ITGB2: variants seen among roughly 807,000 people sequenced by gnomAD.
ITGB2 encodes integrin subunit beta 2, also known as integrin beta-2.
A neutral mutation model predicts 86.8 loss-of-function variants in ITGB2; 56 were observed. The ratio of observed to expected loss-of-function variants is 0.65; its 90% CI spans 0.52 to 0.81. The LOEUF is 0.81. Among genes scored for constraint, ITGB2 ranks in the 30% least tolerant of loss-of-function variants. ITGB2 has a pLI of 0.00. For synonymous variants in ITGB2, 457 were observed against 450.4 expected (o/e 1.01, Z -0.19); for missense variants, 948 against 1,061.2 (o/e 0.89, Z 1.48).
Position 44,890,000 on chromosome 21 carries a change from G to C in ITGB2, c.1635C>G (p.Asn545Lys), listed in dbSNP as rs61747606. ...CACCCGGGCCGCCGCAGACCTGGCC[G>C]TTGTAGCGCTCACAGTTGATGGTGT... ...ECDTINCERY[N>K]GQVCGGPGRG... Residue 545 changes from asparagine to lysine, a missense_variant, in exon 12 of 16, where the codon AAC becomes AAG. By Grantham distance (94) the Asn-to-Lys change is moderately conservative. Coordinates refer to ENST00000652462, the MANE Select transcript of ITGB2 (RefSeq NM_000211.5). The C allele has an allele frequency of 6.2e-7, 1 of 1,613,242 alleles. No individual in the cohort carries two copies. The highest frequency in any genetic ancestry group is 8.5e-7 in the Non-Finnish European group (1 of 1,180,036).
chr21:44,910,536 C>T (rs903821220), intron 2 of ITGB2, 164 bp from the exon 3 acceptor site: 22 of 1,458,706 alleles, frequency 1.5e-5, no homozygotes, highest in Middle Eastern at 1.7e-4. Context: ...GAGGGGCCCT[C>T]GGGAAACAGC....
intron 9 of ITGB2, 64 bp from the exon 10 acceptor site, chr21:44,893,608 C>T (rs2083822600): frequency 7.5e-6 from 12 of 1,603,116 alleles, no homozygotes; most frequent in Non-Finnish European, 9.4e-6. Context: ...CTGCCTGGCC[C>T]AGCGGTTTAG....
At chr21:44,892,053 G>C (rs2083793489) in intron 10 of ITGB2, 57 bp from the exon 11 acceptor site, 3 of 1,559,602 alleles carry the variant, frequency 1.9e-6, no homozygotes, top group Admixed American at 3.5e-5. Flanking sequence ...TGGCAGCCCA[G>C]CTCCCAACCC....
intron 9 of ITGB2, 138 bp downstream of exon 9, chr21:44,894,832 CG>C: frequency 1.4e-6 from 1 of 713,920 alleles, no homozygotes; most frequent in Non-Finnish European, 2.5e-6. Flanking sequence ...GAGGGCAGGT[CG>C]GGAGGCTGCA....
At position 44,886,719 on chromosome 21, in the gene ITGB2, C is replaced by G; in HGVS notation, c.2247+17G>C. 5 of 1,613,978 alleles carry G rather than the reference C, an allele frequency of 3.1e-6. No homozygotes were observed. The highest frequency in any genetic ancestry group is 4.2e-6 in the Non-Finnish European group (5 of 1,179,996). The stretch of plus-strand genomic sequence containing the variant: ...CACGTGCCCCTCTGCGTGGGACCCC[C>G]AAGGACGGCCACTTACATTGTTCCA... On this transcript the variant is annotated intron_variant, in intron 15 of 15. Transcript: ENST00000652462.
chr21:44,894,884 C>T (rs2083840735), intron 9 of ITGB2, 87 bp downstream of exon 9: 1 of 957,712 alleles, frequency 1.0e-6, no homozygotes, highest in Non-Finnish European at 1.7e-6. Flanking sequence ...AGACCACCCT[C>T]CTGCTGACCT....
chr21:44,901,423 C>T (rs74649973), intron 6 of ITGB2, 69 bp downstream of exon 6: 1 of 1,571,610 alleles, frequency 6.4e-7, no homozygotes. Flanking sequence ...CCCCTGCCCC[C>T]ACACAGCGCC....
At chr21:44,899,631 C>G (rs186115793) in intron 7 of ITGB2, among the ~76,000 whole-genome samples, 2 of 152,240 alleles carry the variant, frequency 1.3e-5, no homozygotes, top group South Asian at 2.1e-4. Flanking sequence ...GAGCCTACAA[C>G]GTCAGGCTGC....
chr21:44,918,996 C>T (rs2084253086), intron 1 of ITGB2, among the ~76,000 whole-genome samples: 1 of 59,662 alleles, frequency 1.7e-5, no homozygotes, highest in Non-Finnish European at 2.9e-5. Flanking sequence ...CGGAGCTGAG[C>T]ATTCCCCTCT....
intron 9 of ITGB2, chr21:44,894,001 A>G: frequency 3.5e-6 from 1 of 287,608 alleles, no homozygotes; most frequent in Non-Finnish European, 7.0e-6. Context: ...AGACAGAGAG[A>G]GACAGACAGA....
chr21:44,896,616 G>A (rs1247259805), intron 8 of ITGB2, among the ~76,000 whole-genome samples: 5 of 149,752 alleles, frequency 3.3e-5, no homozygotes, highest in Non-Finnish European at 7.4e-5. Context: ...TCCGCCCACC[G>A]CCCACTTCCA....
chr21:44,901,543 C>T lies in ITGB2; in HGVS notation c.690G>A (p.Leu230=). ...EVGKQLISGN[L]DAPEGGLDAM... ...CGTCCAGCCCACCCTCGGGTGCATC[C>T]AGGTTTCCGGAAATCAGCTGCTTCC... Residue 230 remains leucine, a synonymous_variant, in exon 6 of 16, where the codon CTG becomes CTA. Coordinates refer to ENST00000652462, the MANE Select transcript of ITGB2 (RefSeq NM_000211.5). 6.2e-7 allele frequency: 1 copy of T among 1,614,254 alleles called. No homozygotes were observed. The highest frequency in any genetic ancestry group is 1.3e-5 in the African/African-American group (1 of 75,060).
intron 11 of ITGB2, among the ~76,000 whole-genome samples, chr21:44,891,460 T>C (rs2083784146): frequency 6.6e-6 from 1 of 152,194 alleles, no homozygotes; most frequent in South Asian, 2.1e-4. Context: ...CTCAAGGCCA[T>C]GGGCACGCCC....
chr21:44,886,828 G>A lies in ITGB2; in HGVS notation c.2155C>T (p.Leu719=). Reference sequence around the variant, plus strand: ...ATCAGAGCCTTCCAGATGACCAGCAGGAGAATGCCGATCAGCACGATGCCT... The same window carrying A: ...ATCAGAGCCTTCCAGATGACCAGCAAGAGAATGCCGATCAGCACGATGCCT... ...VAGIVLIGIL[L]LVIWKALIHL... is the part of the protein sequence containing the mutation. Residue 719 remains leucine (L), a synonymous_variant, in exon 15 of 16, where the codon CTG becomes TTG. Transcript: ENST00000652462. 1 of 1,613,890 alleles carries A rather than the reference G, an allele frequency of 6.2e-7. No homozygotes were observed. Among genetic ancestry groups the A allele is most frequent in the Non-Finnish European group, 8.5e-7 (1 of 1,180,020 alleles).
At chr21:44,912,826 G>T (rs958168547) in intron 1 of ITGB2, among the ~76,000 whole-genome samples, 2 of 148,190 alleles carry the variant, frequency 1.3e-5, no homozygotes, top group South Asian at 2.2e-4. Context: ...CCCCCAGGGT[G>T]CAGGGTCCAG....
intron 6 of ITGB2, 54 bp from the exon 7 acceptor site, chr21:44,900,529 C>T (rs551566893): frequency 6.8e-6 from 11 of 1,606,176 alleles, no homozygotes; most frequent in Middle Eastern, 2.1e-4. Flanking sequence ...CCAGACCCGG[C>T]CCTCTGGAGC....
intron 1 of ITGB2, among the ~76,000 whole-genome samples, chr21:44,915,067 G>A (rs1013782803): frequency 5.3e-5 from 8 of 152,150 alleles, no homozygotes; most frequent in Non-Finnish European, 7.3e-5. Context: ...CGCTGTCACC[G>A]GCCTGGAGTG....
chr21:44,895,841 A>AAAATGAAATGAAATGAAATG (rs71199643), intron 8 of ITGB2, among the ~76,000 whole-genome samples: 2 of 129,254 alleles, frequency 1.5e-5, no homozygotes, highest in East Asian at 2.0e-4. Flanking sequence ...TCAATAAAAT[A>AAAATGAAATGAAATGAAATG]AAATGAAATG....
upstream of ITGB2, among the ~76,000 whole-genome samples, chr21:44,922,196 A>G (rs896482551): frequency 6.6e-6 from 1 of 152,220 alleles, no homozygotes; most frequent in Non-Finnish European, 1.5e-5. Context: ...CAAAACGCCT[A>G]GAGGACTGGG....
Sources: gnomAD v4.1 joint callset for allele counts (sites outside exome capture counted in the v4.1 genomes callset) on GRCh38, gnomAD v4.1.1 for gene constraint, MANE v1.5 for transcripts, NCBI Gene and HGNC (gene_info 2026-07-23, HGNC 2026-07-21) for gene names.